Variants in AVEN observed in about 807,000 individuals in gnomAD.
AVEN encodes the protein cell death regulator Aven.
AVEN carries 41 observed loss-of-function variants against 38.1 expected under a neutral mutation model. The ratio of observed to expected loss-of-function variants is 1.08; its 90% CI spans 0.84 to 1.40. AVEN has a LOEUF of 1.40. Ranked by LOEUF, AVEN falls within the 40% of genes most tolerant of loss-of-function variation. The pLI, the probability that AVEN is intolerant of heterozygous loss-of-function variation, is 0.00. For synonymous variants in AVEN, 206 were observed against 171.8 expected, an observed-to-expected ratio of 1.20 and a Z score of -1.56; for missense variants, 605 against 438.8, an observed-to-expected ratio of 1.38 and a Z score of -3.38.
chr15:33,914,834 G>A (rs1003282682), intron 2 of AVEN, among the ~76,000 whole-genome samples: 3 of 151,930 alleles, frequency 2.0e-5, no homozygotes, highest in Admixed American at 2.0e-4. Context: ...GTACATATAT[G>A]TACACATAAA....
At chr15:33,984,881 A>G (rs1379938324) in intron 2 of AVEN, among the ~76,000 whole-genome samples, 3 of 152,150 alleles carry the variant, frequency 2.0e-5, no homozygotes, top group Admixed American at 6.5e-5. Flanking sequence ...CTCTGTCATC[A>G]TGAACCATGT....
chr15:33,930,840 A>C (rs1475861535), intron 2 of AVEN, among the ~76,000 whole-genome samples: 2 of 151,734 alleles, frequency 1.3e-5, no homozygotes, highest in African/African-American at 4.8e-5. Context: ...CTGTAGTCCC[A>C]GCTATTTGGG....
chr15:34,014,083 C>T (rs936240612), intron 1 of AVEN, among the ~76,000 whole-genome samples: 2 of 152,256 alleles, frequency 1.3e-5, no homozygotes, highest in Non-Finnish European at 2.9e-5. Context: ...ACACATTTAG[C>T]TGGGCACAGT....
chr15:33,853,255 G>A, the AVEN span, among the ~76,000 whole-genome samples: 6 of 152,122 alleles, frequency 3.9e-5, no homozygotes, highest in African/African-American at 1.2e-4. Context: ...TAGGTTTTTG[G>A]CTTCATTCAT....
At chr15:33,951,049 G>C (rs1894721713) in intron 2 of AVEN, among the ~76,000 whole-genome samples, 1 of 151,108 alleles carries the variant, frequency 6.6e-6, no homozygotes, top group Non-Finnish European at 1.5e-5. Context: ...GGGAGAGAGG[G>C]TGGGAGGAAG....
intron 2 of AVEN, among the ~76,000 whole-genome samples, chr15:33,979,370 A>G (rs1269040462): frequency 3.3e-5 from 5 of 152,128 alleles, no homozygotes; most frequent in East Asian, 1.9e-4. Flanking sequence ...TTAGCCGGGC[A>G]TGCTAGGGTG....
At chr15:33,878,296 A>G (rs770349562) in intron 2 of AVEN, among the ~76,000 whole-genome samples, 21 of 152,170 alleles carry the variant, frequency 1.4e-4, no homozygotes, top group Non-Finnish European at 2.5e-4. Context: ...GTCTCAATAA[A>G]TAAAATGGAT....
chr15:33,914,757 CATG>C (rs1379462716), intron 2 of AVEN, among the ~76,000 whole-genome samples: 1 of 151,644 alleles, frequency 6.6e-6, no homozygotes, highest in African/African-American at 2.4e-5. Flanking sequence ...GGTATGAACT[CATG>C]ATTTTTTTTT....
intron 2 of AVEN, among the ~76,000 whole-genome samples, chr15:33,985,969 T>C (rs1385981394): frequency 6.6e-6 from 1 of 152,172 alleles, no homozygotes; most frequent in African/African-American, 2.4e-5. Context: ...CTCTGACAGA[T>C]CTAACTCACA....
At chr15:34,020,049 C>A (rs1898133199) in intron 1 of AVEN, among the ~76,000 whole-genome samples, 1 of 152,210 alleles carries the variant, frequency 6.6e-6, no homozygotes, top group African/African-American at 2.4e-5. Flanking sequence ...CAGTGGTTCA[C>A]ACCTGTAATC....
intron 2 of AVEN, among the ~76,000 whole-genome samples, chr15:33,886,138 T>C (rs188853866): frequency 1.3e-5 from 2 of 152,230 alleles, no homozygotes; most frequent in East Asian, 3.9e-4. Context: ...AGATAAAAGA[T>C]TCTATCTCTG....
Position 33,921,065 on chromosome 15 carries a change from C to CG in AVEN, c.446-45071dup, listed in dbSNP as rs1893378634. ...TGCTGGGATTACTGGCGTGAGCTAC[C>CG]GCACCTGGCCCTTCCTCGTGTTTCA... On this transcript the variant is annotated intron_variant, in intron 2 of 5. Transcript: ENST00000306730. Among the ~76,000 whole-genome samples the CG allele has an allele frequency of 2.0e-5, 3 of 152,180 alleles. No individual in the cohort carries two copies. The South Asian group carries it at 6.2e-4, about 31-fold the overall frequency.
intron 2 of AVEN, among the ~76,000 whole-genome samples, chr15:33,936,913 C>A (rs533861345): frequency 6.8e-6 from 1 of 147,166 alleles, no homozygotes; most frequent in East Asian, 2.1e-4. Flanking sequence ...GGGCGGATCA[C>A]GAGGTCAGGA....
chr15:33,964,776 C>T (rs638021), intron 2 of AVEN, among the ~76,000 whole-genome samples: 120,255 of 152,176 alleles, frequency 0.79, 53,458 homozygotes, highest in Non-Finnish European at 0.97. Flanking sequence ...AACACATTCC[C>T]TATATATTAA....
downstream of AVEN, chr15:33,864,272 T>C (rs545633539): frequency 9.4e-7 from 1 of 1,062,372 alleles, no homozygotes; most frequent in African/African-American, 1.6e-5. Flanking sequence ...TTATCTGAAA[T>C]ACATACATGG....
the AVEN span, chr15:33,853,003 T>C: frequency 1.3e-6 from 2 of 1,546,696 alleles, no homozygotes; most frequent in South Asian, 1.2e-5. Flanking sequence ...TTTTCCTTGA[T>C]GTTAAGAATG....
intron 5 of AVEN, among the ~76,000 whole-genome samples, chr15:33,867,264 G>A (rs146358983): frequency 8.3e-4 from 127 of 152,312 alleles, no homozygotes; most frequent in African/African-American, 3.0e-3. Flanking sequence ...GGTTTCTACT[G>A]CAGTCAGGCA....
At chr15:33,982,602 T>C (rs188671264) in intron 2 of AVEN, among the ~76,000 whole-genome samples, 351 of 152,304 alleles carry the variant, frequency 2.3e-3, no homozygotes, top group Middle Eastern at 0.01. Flanking sequence ...TTTTTTTAAA[T>C]GCTATAAATG....
At chr15:34,024,783 C>T (rs1408954117) in intron 1 of AVEN, among the ~76,000 whole-genome samples, 2 of 151,396 alleles carry the variant, frequency 1.3e-5, no homozygotes, top group Non-Finnish European at 2.9e-5. Context: ...ATAGCTTGAA[C>T]CCAAGAGGCA....
Sources: allele counts gnomAD v4.1 joint callset (sites outside exome capture counted in the v4.1 genomes callset), GRCh38; gene constraint gnomAD v4.1.1; transcripts MANE v1.5; gene names NCBI Gene and HGNC (gene_info 2026-07-23, HGNC 2026-07-21).